PTPRC: variants seen among roughly 807,000 people sequenced by gnomAD.
PTPRC encodes the protein protein tyrosine phosphatase receptor type C, also known as receptor-type tyrosine-protein phosphatase C.
Under a neutral mutation model 155.9 loss-of-function variants are expected in PTPRC, and 44 were observed. The ratio of observed to expected loss-of-function variants is 0.28; its 90% CI spans 0.22 to 0.36. The LOEUF is 0.36. Among genes scored for constraint, PTPRC ranks in the 10% least tolerant of loss-of-function variants. The pLI, the probability that PTPRC is intolerant of heterozygous loss-of-function variation, is 1.00. For synonymous variants in PTPRC, 525 were observed against 533.1 expected (o/e 0.98, Z 0.21); for missense variants, 1,401 against 1,564.6 (o/e 0.90, Z 1.76).
chr1:198,702,634 G>A (rs1666522401), intron 6 of PTPRC, 104 bp downstream of exon 6: 2 of 1,496,840 alleles, frequency 1.3e-6, no homozygotes. Flanking sequence ...TTATTTGTAG[G>A]TTTCCCATTT....
intron 29 of PTPRC, 110 bp from the exon 30 acceptor site, chr1:198,752,139 A>G (rs953261159): frequency 2.4e-6 from 3 of 1,273,436 alleles, no homozygotes; most frequent in Non-Finnish European, 1.1e-6. Flanking sequence ...AATAATTTTC[A>G]TTTAATAGAA....
intron 2 of PTPRC, among the ~76,000 whole-genome samples, chr1:198,641,093 A>G (rs1407426333): frequency 6.6e-6 from 1 of 152,012 alleles, no homozygotes; most frequent in East Asian, 1.9e-4. Context: ...TGAAAACTCA[A>G]CTTTATCTTC....
At position 198,713,033 on chromosome 1, in the gene PTPRC, T is replaced by C. The variant is rs1363071799; in HGVS notation, c.1252T>C (p.Ser418Pro). Residue 418 changes from serine to proline, a missense_variant, in exon 12 of 33, where the codon TCA becomes CCA. Ser to Pro is a moderately conservative substitution (Grantham distance 74). Coordinates refer to ENST00000442510, the MANE Select transcript of PTPRC (RefSeq NM_002838.5). ...AATTACCTGGAATCCCCCTCAAAGA[T>C]CATTTCATAATTTTACCCTCTGTTA... is the stretch of plus-strand genomic sequence containing the variant. ...GVITWNPPQRSFHNFTLCYIK... is the reference protein window; with the variant it reads ...GVITWNPPQRPFHNFTLCYIK... The C allele has an allele frequency of 1.2e-6, 2 of 1,613,860 alleles. No individual in the cohort carries two copies. The highest frequency in any genetic ancestry group is 2.2e-5 in the East Asian group (1 of 44,826).
At chr1:198,751,422 T>A (rs1183031338) in intron 29 of PTPRC, among the ~76,000 whole-genome samples, 1 of 152,040 alleles carries the variant, frequency 6.6e-6, no homozygotes, top group Admixed American at 6.6e-5. Flanking sequence ...AATAACCTTA[T>A]AAGTATGCAA....
intron 15 of PTPRC, among the ~76,000 whole-genome samples, chr1:198,723,889 C>T (rs1405241432): frequency 3.3e-5 from 5 of 152,190 alleles, no homozygotes; most frequent in Non-Finnish European, 7.3e-5. Context: ...ATCAGTATCT[C>T]TTATACTATT....
intron 5 of PTPRC, 80 bp from the exon 6 acceptor site, chr1:198,702,307 T>G: frequency 6.4e-7 from 1 of 1,559,834 alleles, no homozygotes; most frequent in East Asian, 2.2e-5. Flanking sequence ...TCTTTAGTAA[T>G]TGTGTTTATG....
intron 3 of PTPRC, 38 bp from the exon 4 acceptor site, chr1:198,696,674 T>C (rs371895350): frequency 6.5e-7 from 1 of 1,533,820 alleles, no homozygotes; most frequent in Non-Finnish European, 9.0e-7. Context: ...GATTCACATA[T>C]TTATTTTGTC....
chr1:198,689,898 A>G (rs967813454), intron 2 of PTPRC, among the ~76,000 whole-genome samples: 6 of 152,118 alleles, frequency 3.9e-5, no homozygotes, highest in Admixed American at 3.3e-4. Flanking sequence ...ATGACTAGAT[A>G]TATGTGTTTT....
intron 3 of PTPRC, chr1:198,694,854 C>G: frequency 1.0e-6 from 1 of 964,622 alleles, no homozygotes; most frequent in Non-Finnish European, 1.2e-6. Context: ...TAAAGTTAGA[C>G]CTGATTTTAC....
At chr1:198,704,588 A>G (rs1666630974) in intron 8 of PTPRC, 90 bp downstream of exon 8, 1 of 1,608,832 alleles carries the variant, frequency 6.2e-7, no homozygotes, top group South Asian at 1.1e-5. Flanking sequence ...AGGACCCACT[A>G]GTAAGCTAAA....
chr1:198,723,395 A>G (rs1198070638), intron 15 of PTPRC, among the ~76,000 whole-genome samples: 1 of 152,184 alleles, frequency 6.6e-6, no homozygotes, highest in Non-Finnish European at 1.5e-5. Context: ...CAAAGTCAAA[A>G]GAGAAAATAT....
intron 2 of PTPRC, among the ~76,000 whole-genome samples, chr1:198,645,167 A>G (rs1435161660): frequency 6.6e-6 from 1 of 151,856 alleles, no homozygotes; most frequent in Non-Finnish European, 1.5e-5. Context: ...AGCAAACTTG[A>G]TAGAAATCAC....
intron 14 of PTPRC, among the ~76,000 whole-genome samples, chr1:198,719,594 TTTTG>T (rs935790074): frequency 8.6e-5 from 13 of 151,692 alleles, no homozygotes; most frequent in South Asian, 6.2e-4. Flanking sequence ...TTTTGTTTTG[TTTTG>T]TTTGTTTGTT....
At chr1:198,707,401 T>C (rs1049011984) in intron 9 of PTPRC, among the ~76,000 whole-genome samples, 3 of 152,090 alleles carry the variant, frequency 2.0e-5, no homozygotes, top group Admixed American at 6.5e-5. Flanking sequence ...GTTATGGTCA[T>C]GTTAGTGAGA....
At chr1:198,663,315 T>C (rs1310563030) in intron 2 of PTPRC, among the ~76,000 whole-genome samples, 1 of 152,248 alleles carries the variant, frequency 6.6e-6, no homozygotes, top group African/African-American at 2.4e-5. Context: ...AATAATAGTC[T>C]TTAACTTTTT....
chr1:198,687,119 A>G (rs1384555726), intron 2 of PTPRC, among the ~76,000 whole-genome samples: 1 of 152,170 alleles, frequency 6.6e-6, no homozygotes, highest in East Asian at 1.9e-4. Flanking sequence ...TAGCCTCCCA[A>G]GTAGCTGGGA....
chr1:198,649,720 T>G lies in PTPRC; in HGVS notation c.73+10379T>G, dbSNP rs1663139400. 3.3e-5 allele frequency among the ~76,000 whole-genome samples: 5 copies of G among 151,986 alleles called. No individual in the cohort carries two copies. In the South Asian group the frequency reaches 1.0e-3, roughly 32 times the overall value. ...ATGAGATGATTCACTCATCGATTCA[T>G]CAATTGTTTATAGAGCCCCTGCTAA... On this transcript the variant is annotated intron_variant, in intron 2 of 32. Coordinates refer to ENST00000442510, the MANE Select transcript of PTPRC (RefSeq NM_002838.5).
chr1:198,668,767 A>G (rs1053108040), intron 2 of PTPRC, among the ~76,000 whole-genome samples: 2 of 152,192 alleles, frequency 1.3e-5, no homozygotes, highest in Non-Finnish European at 2.9e-5. Flanking sequence ...GCATGGCTGA[A>G]TGTTTAGCCT....
intron 3 of PTPRC, chr1:198,695,230 C>A: frequency 1.2e-6 from 1 of 861,188 alleles, no homozygotes; most frequent in Non-Finnish European, 1.4e-6. Flanking sequence ...TAACTCTTTC[C>A]TGTCCTATCA....
Sources: allele counts gnomAD v4.1 joint callset (sites outside exome capture counted in the v4.1 genomes callset), GRCh38; gene constraint gnomAD v4.1.1; transcripts MANE v1.5; gene names NCBI Gene and HGNC (gene_info 2026-07-23, HGNC 2026-07-21).